The following TENM3 variants were observed in gnomAD, a reference collection of about 807,000 sequenced individuals.
TENM3 encodes the protein teneurin transmembrane protein 3.
A neutral mutation model predicts 255.1 loss-of-function variants in TENM3; 63 were observed. The observed-to-expected ratio is 0.25, with a 90% confidence interval of 0.20 to 0.30. TENM3 has a LOEUF of 0.30. Ranked by LOEUF, TENM3 falls within the 10% of genes least tolerant of loss-of-function variation. The probability of loss-of-function intolerance (pLI) is 1.00; values close to 1 mark genes in which losing one functional copy is unlikely to be tolerated. For synonymous variants in TENM3, 1,306 were observed against 1,322.3 expected (o/e 0.99, Z 0.27); for missense variants, 2,929 against 3,461.1 (o/e 0.85, Z 3.86).
chr4:182,512,570 T>G (rs1238465878), intron 3 of TENM3, among the ~76,000 whole-genome samples: 1 of 152,230 alleles, frequency 6.6e-6, no homozygotes, highest in South Asian at 2.1e-4. Flanking sequence ...GAAATCATTA[T>G]GACATTAGTT....
chr4:182,386,745 G>A (rs189388191), intron 3 of TENM3, among the ~76,000 whole-genome samples: 8 of 152,318 alleles, frequency 5.3e-5, no homozygotes, highest in Admixed American at 3.9e-4. Flanking sequence ...CCAGCCCACC[G>A]GCGCTGCTCT....
the TENM3 span, chr4:181,834,822 A>G: frequency 6.6e-6 from 1 of 152,256 alleles, no homozygotes; most frequent in African/African-American, 2.4e-5. Context: ...TAGGAGCTCT[A>G]AAGAAAAGGA....
At chr4:182,069,589 A>G in the TENM3 span, among the ~76,000 whole-genome samples, 1 of 152,058 alleles carries the variant, frequency 6.6e-6, no homozygotes, top group South Asian at 2.1e-4. Flanking sequence ...TATTTTCAAA[A>G]TTCTGCAGGT....
the TENM3 span, among the ~76,000 whole-genome samples, chr4:182,073,027 G>A: frequency 6.6e-6 from 1 of 152,166 alleles, no homozygotes; most frequent in East Asian, 1.9e-4. Context: ...GTATTAATCT[G>A]TTCTCACACT....
At chr4:182,349,024 C>A (rs1296014735) in intron 3 of TENM3, among the ~76,000 whole-genome samples, 2 of 152,136 alleles carry the variant, frequency 1.3e-5, no homozygotes, top group Non-Finnish European at 2.9e-5. Flanking sequence ...CAAGTAGTGG[C>A]TAGGAAGCAG....
At chr4:182,114,819 T>G in the TENM3 span, among the ~76,000 whole-genome samples, 1 of 152,178 alleles carries the variant, frequency 6.6e-6, no homozygotes, top group Non-Finnish European at 1.5e-5. Flanking sequence ...ACTATTTTAT[T>G]TATTTATTTT....
At chr4:181,844,008 G>A in the TENM3 span, among the ~76,000 whole-genome samples, 4 of 151,892 alleles carry the variant, frequency 2.6e-5, no homozygotes, top group African/African-American at 7.2e-5. Flanking sequence ...ATGAGCCACC[G>A]CGCCCGGCCG....
intron 3 of TENM3, among the ~76,000 whole-genome samples, chr4:182,436,999 G>T (rs546267283): frequency 1.4e-5 from 2 of 140,458 alleles, no homozygotes; most frequent in African/African-American, 5.3e-5. Flanking sequence ...TTGCACTCCA[G>T]CCTGGGCAGC....
the TENM3 span, among the ~76,000 whole-genome samples, chr4:181,990,359 A>G: frequency 6.6e-6 from 1 of 152,310 alleles, no homozygotes; most frequent in African/African-American, 2.4e-5. Context: ...GATTTGATAC[A>G]TAATTCTTAG....
chr4:182,356,717 T>A (rs953406445), intron 3 of TENM3, among the ~76,000 whole-genome samples: 1 of 151,882 alleles, frequency 6.6e-6, no homozygotes, highest in Non-Finnish European at 1.5e-5. Context: ...AAAATTATTA[T>A]TTTTTTATTA....
intron 3 of TENM3, among the ~76,000 whole-genome samples, chr4:182,499,366 A>G (rs756675075): frequency 2.0e-5 from 3 of 152,228 alleles, no homozygotes; most frequent in Non-Finnish European, 4.4e-5. Flanking sequence ...GGCTTAGCTT[A>G]GTCTCACAGG....
intron 3 of TENM3, among the ~76,000 whole-genome samples, chr4:182,571,779 G>C (rs1442362464): frequency 6.6e-6 from 1 of 152,132 alleles, no homozygotes; most frequent in Non-Finnish European, 1.5e-5. Flanking sequence ...ATTTTTCCAA[G>C]TGTATATAAT....
chr4:181,700,541 T>A, the TENM3 span, among the ~76,000 whole-genome samples: 1 of 152,216 alleles, frequency 6.6e-6, no homozygotes. Context: ...CATTGCTACG[T>A]TCTTGCAACT....
At chr4:181,723,792 T>C in the TENM3 span, among the ~76,000 whole-genome samples, 1 of 152,148 alleles carries the variant, frequency 6.6e-6, no homozygotes, top group African/African-American at 2.4e-5. Flanking sequence ...TTATTGATGG[T>C]TGTGGGAAGA....
At chr4:182,464,432 T>C (rs1732389868) in intron 3 of TENM3, among the ~76,000 whole-genome samples, 1 of 152,120 alleles carries the variant, frequency 6.6e-6, no homozygotes, top group Admixed American at 6.6e-5. Flanking sequence ...AATTTTTGTA[T>C]TTTTAGTAGA....
Position 182,789,293 on chromosome 4 carries a change from C to T in TENM3, c.5505C>T (p.Gly1835=). 1.2e-6 allele frequency: 2 copies of T among 1,613,782 alleles called. No individual in the cohort carries two copies. The highest frequency in any genetic ancestry group is 1.7e-6 in the Non-Finnish European group (2 of 1,179,818). The change falls in exon 25 of 28, where the codon GGC becomes GGT. Residue 1835 remains glycine (G), a synonymous_variant. Coordinates refer to ENST00000511685, the MANE Select transcript of TENM3 (RefSeq NM_001080477.4). The surrounding 1 kb of genome is among the most constrained non-coding windows in gnomAD (Gnocchi z 4.4). ...STGQIASIQR[G]TTSEKVDYDG... ...GTCAAATTGCCAGCATCCAGCGAGG[C>T]ACCACTAGCGAGAAAGTAGATTATG... is the stretch of plus-strand genomic sequence containing the variant.
the TENM3 span, among the ~76,000 whole-genome samples, chr4:181,607,842 T>G: frequency 6.6e-6 from 1 of 152,176 alleles, no homozygotes; most frequent in Non-Finnish European, 1.5e-5. Context: ...TTATAATGAG[T>G]GAAAAATGAC....
At chr4:181,706,264 C>G in the TENM3 span, among the ~76,000 whole-genome samples, 1 of 152,122 alleles carries the variant, frequency 6.6e-6, no homozygotes. Context: ...CCCCAGTGAG[C>G]TCATTTTCAC....
rs1191435890 is a variant in TENM3 at position 182,269,891 on chromosome 4, CA to C, written c.-76+26416del. On this transcript the variant is annotated intron_variant, in intron 1 of 27. Coordinates refer to ENST00000511685, the MANE Select transcript of TENM3 (RefSeq NM_001080477.4). ...TTTTGTTTTATACATTTTAGGGAGA[CA>C]GGGGTAACAGGCAAAGACATAAATC... Among the ~76,000 whole-genome samples, 7 of 151,956 alleles carry C rather than the reference CA, an allele frequency of 4.6e-5. No individual in the cohort carries two copies. The East Asian group carries it at 7.7e-4, about 17-fold the overall frequency.
Sources: allele counts gnomAD v4.1 joint callset (sites outside exome capture counted in the v4.1 genomes callset), GRCh38; gene constraint gnomAD v4.1.1; non-coding constraint Gnocchi (gnomAD v3.1); transcripts MANE v1.5; gene names NCBI Gene and HGNC (gene_info 2026-07-23, HGNC 2026-07-21).